The following FBXO21 variants were observed in gnomAD, a reference collection of about 807,000 sequenced individuals.
The protein encoded by FBXO21 is F-box protein 21.
In FBXO21, 32 loss-of-function variants were observed where a neutral mutation model predicts 76.6. That is an observed-to-expected ratio of 0.42 (90% CI 0.32 to 0.56). The LOEUF (loss-of-function observed/expected upper bound fraction) is 0.56. Among genes scored for constraint, FBXO21 ranks in the 20% least tolerant of loss-of-function variants. The pLI is 0.16. For missense variants in FBXO21, 586 were observed against 797.3 expected (o/e 0.73, Z 3.19); for synonymous variants, 328 against 311.5 (o/e 1.05, Z -0.56).
At position 117,177,650 on chromosome 12, in the gene FBXO21, A is replaced by G; in HGVS notation, c.471-9T>C. 6.2e-7 allele frequency: 1 copy of G among 1,611,388 alleles called. No individual in the cohort carries two copies. The highest frequency in any genetic ancestry group is 8.5e-7 in the Non-Finnish European group (1 of 1,178,910). On this transcript the variant is annotated splice_polypyrimidine_tract_variant and intron_variant, in intron 3 of 11. Coordinates refer to ENST00000622495, the MANE Select transcript of FBXO21 (RefSeq NM_015002.3). ...TCCAGGTCAAAGCTTTTCTGGAAACAAAAAGTCAGTAAGAATTAAGATTTG... is the reference window on the plus strand; with the variant it reads ...TCCAGGTCAAAGCTTTTCTGGAAACGAAAAGTCAGTAAGAATTAAGATTTG...
intron 7 of FBXO21, among the ~76,000 whole-genome samples, chr12:117,168,032 C>A (rs527239214): frequency 3.7e-4 from 57 of 152,304 alleles, no homozygotes; most frequent in African/African-American, 1.3e-3. Context: ...CACTGAACTG[C>A]CAGGCCCATT....
At chr12:117,184,684 C>T (rs1381610893) in intron 3 of FBXO21, among the ~76,000 whole-genome samples, 1 of 152,136 alleles carries the variant, frequency 6.6e-6, no homozygotes, top group Non-Finnish European at 1.5e-5. Context: ...ACCCAGGAGG[C>T]AGAGGTTGCC....
At chr12:117,155,236 T>C (rs562982947) in intron 11 of FBXO21, 1 of 153,472 alleles carries the variant, frequency 6.5e-6, no homozygotes, top group South Asian at 2.0e-4. Flanking sequence ...TCTGTCAGTC[T>C]CCACCTCAGC....
intron 11 of FBXO21, chr12:117,155,581 CG>C (rs1173805763): frequency 3.3e-6 from 2 of 610,270 alleles, no homozygotes; most frequent in Admixed American, 5.8e-5. Context: ...TGGGGGAGGG[CG>C]GGTATGACTA....
At position 117,177,595 on chromosome 12, in the gene FBXO21, G is replaced by A; in HGVS notation, c.517C>T (p.Leu173=). 1.2e-6 allele frequency: 2 copies of A among 1,613,862 alleles called. No individual in the cohort carries two copies. Among genetic ancestry groups the A allele is most frequent in the Non-Finnish European group, 1.7e-6 (2 of 1,179,830 alleles). Residue 173 remains leucine, a synonymous_variant, in exon 4 of 12, where the codon CTG becomes TTG. Coordinates refer to ENST00000622495, the MANE Select transcript of FBXO21 (RefSeq NM_015002.3). ...KYYAKKILYY[L]RQQKILNNLK... ...TTATTTAAGATCTTCTGTTGCCGCA[G>A]GTAGTAAAGAATTTTTTTTGCGTAG...
intron 9 of FBXO21, among the ~76,000 whole-genome samples, chr12:117,159,024 G>A (rs1955947896): frequency 6.6e-6 from 1 of 152,220 alleles, no homozygotes; most frequent in Non-Finnish European, 1.5e-5. Context: ...GGTCAGACTA[G>A]CTGGCGTTTT....
Position 117,145,880 on chromosome 12 carries a change from C to A in FBXO21, c.*207G>T. On this transcript the variant is annotated 3_prime_UTR_variant, in exon 12 of 12. Coordinates refer to ENST00000622495, the MANE Select transcript of FBXO21 (RefSeq NM_015002.3). Reference sequence around the variant, plus strand: ...TGACACAGTGCCTTTCAGATTAATTCACTAGTGTAGGCGGAGAGCAACATT... The same window carrying A: ...TGACACAGTGCCTTTCAGATTAATTAACTAGTGTAGGCGGAGAGCAACATT... 1 of 446,172 alleles carries A rather than the reference C, an allele frequency of 2.2e-6. No individual in the cohort carries two copies. Among genetic ancestry groups the A allele is most frequent in the Non-Finnish European group, 3.9e-6 (1 of 253,274 alleles). 27.6% of individuals were successfully genotyped at this position (446,172 alleles called of 1,614,324 possible).
At chr12:117,158,125 G>T (rs2279765) in intron 9 of FBXO21, 62 bp from the exon 10 acceptor site, 1 of 1,596,930 alleles carries the variant, frequency 6.3e-7, no homozygotes, top group Non-Finnish European at 8.6e-7. Flanking sequence ...TCTTTTTTGC[G>T]GCGAGGGATT....
intron 7 of FBXO21, among the ~76,000 whole-genome samples, chr12:117,168,619 A>G (rs1007873816): frequency 3.3e-5 from 5 of 152,286 alleles, no homozygotes; most frequent in African/African-American, 1.2e-4. Flanking sequence ...GCACTCTTAA[A>G]CTCTTTTTAT....
intron 4 of FBXO21, among the ~76,000 whole-genome samples, chr12:117,175,972 G>A (rs1052768810): frequency 3.9e-5 from 6 of 152,210 alleles, no homozygotes; most frequent in African/African-American, 1.4e-4. Context: ...ACAGAAGATA[G>A]GATGCTTCTC....
intron 7 of FBXO21, among the ~76,000 whole-genome samples, chr12:117,171,536 T>C (rs1263301144): frequency 6.6e-6 from 1 of 152,126 alleles, no homozygotes; most frequent in Non-Finnish European, 1.5e-5. Flanking sequence ...CTATGTCACA[T>C]CAGAAACTCT....
intron 3 of FBXO21, among the ~76,000 whole-genome samples, chr12:117,183,609 T>C (rs1185160126): frequency 3.3e-5 from 5 of 152,256 alleles, no homozygotes. Flanking sequence ...GATTGTTAGA[T>C]GTTAGGATTT....
chr12:117,179,319 A>C (rs1956206201), intron 3 of FBXO21, among the ~76,000 whole-genome samples: 1 of 152,192 alleles, frequency 6.6e-6, no homozygotes. Flanking sequence ...CCGCAACAAT[A>C]ATCACAAACC....
At chr12:117,184,856 A>G (rs1047386069) in intron 3 of FBXO21, among the ~76,000 whole-genome samples, 2 of 152,258 alleles carry the variant, frequency 1.3e-5, no homozygotes, top group African/African-American at 2.4e-5. Context: ...GGATTTCCAT[A>G]AGGTACTGTT....
chr12:117,174,590 A>C, intron 5 of FBXO21, 61 bp downstream of exon 5: 1 of 1,568,534 alleles, frequency 6.4e-7, no homozygotes, highest in Non-Finnish European at 8.7e-7. Flanking sequence ...AATCTCTCAA[A>C]TTAACCAATT....
Position 117,143,011 on chromosome 12 carries a change from TG to T in FBXO21, c.*3075del, listed in dbSNP as rs377529232. 3.8e-3 allele frequency: 578 copies of T among 152,306 alleles called. 5 individuals carry two copies. The highest frequency in any genetic ancestry group is 0.013 in the African/African-American group (554 of 41,566). 9.4% of individuals were successfully genotyped at this position (152,306 alleles called of 1,614,324 possible). ...TTTTGCTGTGTAAACGCGCTTATAA[TG>T]GGGATCTGTTATGAGTCTCAGGCAG... On this transcript the variant is annotated 3_prime_UTR_variant, in exon 12 of 12. Coordinates refer to ENST00000622495, the MANE Select transcript of FBXO21 (RefSeq NM_015002.3).
At chr12:117,152,801 T>C (rs1330638341) in intron 11 of FBXO21, among the ~76,000 whole-genome samples, 1 of 152,202 alleles carries the variant, frequency 6.6e-6, no homozygotes, top group Non-Finnish European at 1.5e-5. Context: ...CAATATTCTT[T>C]CAAATGGTGC....
At chr12:117,180,761 G>T (rs1385987914) in intron 3 of FBXO21, among the ~76,000 whole-genome samples, 2 of 152,084 alleles carry the variant, frequency 1.3e-5, no homozygotes, top group Non-Finnish European at 2.9e-5. Flanking sequence ...AAATAGCTGG[G>T]ATTACAGGCT....
intron 7 of FBXO21, among the ~76,000 whole-genome samples, chr12:117,172,057 A>AT (rs1244972636): frequency 2.0e-5 from 3 of 152,016 alleles, no homozygotes; most frequent in African/African-American, 7.3e-5. Context: ...AAAGGGGGAG[A>AT]TTTTACGGAA....
Sources: gnomAD v4.1 joint callset for allele counts (sites outside exome capture counted in the v4.1 genomes callset) on GRCh38, gnomAD v4.1.1 for gene constraint, MANE v1.5 for transcripts, NCBI Gene and HGNC (gene_info 2026-07-23, HGNC 2026-07-21) for gene names.